Variants in QTMAN observed in about 807,000 individuals in gnomAD.
QTMAN encodes tRNA-queuosine alpha-mannosyltransferase.
At chr2:144,281,395 CAAA>C in the QTMAN span, among the ~76,000 whole-genome samples, 34 of 60,578 alleles carry the variant, frequency 5.6e-4, no homozygotes, top group African/African-American at 1.3e-3. Context: ...ATTGTTATAG[CAAA>C]AAAAAAAAAA....
At chr2:144,209,549 C>T in the QTMAN span, among the ~76,000 whole-genome samples, 8 of 152,128 alleles carry the variant, frequency 5.3e-5, no homozygotes, top group Admixed American at 5.2e-4. Flanking sequence ...TTTCTTTAGA[C>T]AAGCAACCTA....
At chr2:143,960,419 A>T in the QTMAN span, among the ~76,000 whole-genome samples, 1 of 152,110 alleles carries the variant, frequency 6.6e-6, no homozygotes, top group Non-Finnish European at 1.5e-5. Flanking sequence ...AATCTAGGCT[A>T]CAGTCCAGGA....
chr2:144,102,850 C>A, the QTMAN span, among the ~76,000 whole-genome samples: 7 of 152,198 alleles, frequency 4.6e-5, no homozygotes, highest in Admixed American at 2.6e-4. Context: ...ATAAAATTTA[C>A]CCGAAATACA....
the QTMAN span, among the ~76,000 whole-genome samples, chr2:144,148,049 A>G: frequency 6.6e-6 from 1 of 151,866 alleles, no homozygotes; most frequent in African/African-American, 2.4e-5. Flanking sequence ...CTGGAAGGGA[A>G]AAGAACACCT....
chr2:144,009,547 A>G, the QTMAN span, among the ~76,000 whole-genome samples: 2 of 152,020 alleles, frequency 1.3e-5, no homozygotes, highest in Non-Finnish European at 2.9e-5. Context: ...TTTCTATTCT[A>G]ATTTCAAATG....
At chr2:144,294,348 A>T in the QTMAN span, 1 of 152,266 alleles carries the variant, frequency 6.6e-6, no homozygotes, top group Middle Eastern at 3.4e-3. Context: ...TCACTTCCTA[A>T]GGGAAGCCTT....
At chr2:144,330,729 TCAAA>T in the QTMAN span, among the ~76,000 whole-genome samples, 2 of 152,314 alleles carry the variant, frequency 1.3e-5, no homozygotes, top group East Asian at 3.9e-4. Context: ...AGTACCATAA[TCAAA>T]CAAACTTTAG....
the QTMAN span, among the ~76,000 whole-genome samples, chr2:144,286,846 A>C: frequency 1.1e-4 from 16 of 152,242 alleles, no homozygotes; most frequent in Admixed American, 3.9e-4. Flanking sequence ...CCACTGGTTT[A>C]GGCCAGTGTA....
the QTMAN span, among the ~76,000 whole-genome samples, chr2:143,982,063 A>G: frequency 6.6e-6 from 1 of 152,176 alleles, no homozygotes; most frequent in Non-Finnish European, 1.5e-5. Context: ...ACTTACATGG[A>G]AAAGAATAAG....
chr2:143,964,650 A>G, the QTMAN span, among the ~76,000 whole-genome samples: 1 of 152,102 alleles, frequency 6.6e-6, no homozygotes, highest in Non-Finnish European at 1.5e-5. Flanking sequence ...TGAGTGAAGG[A>G]GAAGATGGAA....
the QTMAN span, among the ~76,000 whole-genome samples, chr2:144,277,910 G>A: frequency 1.3e-5 from 2 of 152,072 alleles, no homozygotes; most frequent in Admixed American, 1.3e-4. Context: ...GTATACTTTT[G>A]CTAGACCTCC....
the QTMAN span, among the ~76,000 whole-genome samples, chr2:144,289,083 G>A: frequency 2.7e-5 from 4 of 146,546 alleles, no homozygotes; most frequent in African/African-American, 1.0e-4. Flanking sequence ...GCCCAGTCTG[G>A]AGCGCAGTGG....
At chr2:144,060,709 T>C in the QTMAN span, among the ~76,000 whole-genome samples, 1 of 152,240 alleles carries the variant, frequency 6.6e-6, no homozygotes, top group Non-Finnish European at 1.5e-5. Context: ...CATTCTCAAA[T>C]GCATATATCT....
At chr2:144,120,914 A>G in the QTMAN span, among the ~76,000 whole-genome samples, 4 of 152,220 alleles carry the variant, frequency 2.6e-5, no homozygotes, top group African/African-American at 9.6e-5. Context: ...ATTTTCTGAT[A>G]CTACCTTGCC....
the QTMAN span, among the ~76,000 whole-genome samples, chr2:143,964,397 G>A: frequency 6.6e-6 from 1 of 152,096 alleles, no homozygotes; most frequent in Non-Finnish European, 1.5e-5. Context: ...TCATCTCAAT[G>A]TATTTATCTT....
At chr2:144,071,741 T>A in the QTMAN span, among the ~76,000 whole-genome samples, 2 of 152,202 alleles carry the variant, frequency 1.3e-5, no homozygotes, top group Non-Finnish European at 2.9e-5. Flanking sequence ...TCAAATTCTA[T>A]ACTCTGTCCT....
At chr2:144,027,816 G>T in the QTMAN span, among the ~76,000 whole-genome samples, 1 of 152,260 alleles carries the variant, frequency 6.6e-6, no homozygotes, top group African/African-American at 2.4e-5. Flanking sequence ...TTAAGATAGG[G>T]CTTTAAAGTT....
the QTMAN span, among the ~76,000 whole-genome samples, chr2:144,321,381 CA>C: frequency 6.6e-6 from 1 of 152,140 alleles, no homozygotes; most frequent in African/African-American, 2.4e-5. Flanking sequence ...TTCTAGAAGT[CA>C]AAAGTATAAT....
chr2:143,983,169 C>A, the QTMAN span, among the ~76,000 whole-genome samples: 1 of 152,150 alleles, frequency 6.6e-6, no homozygotes, highest in Non-Finnish European at 1.5e-5. Context: ...CCAAATCAGT[C>A]TGAGACTTAA....
Sources: gnomAD v4.1 joint callset for allele counts (sites outside exome capture counted in the v4.1 genomes callset) on GRCh38, gnomAD v4.1.1 for gene constraint, MANE v1.5 for transcripts, NCBI Gene and HGNC (gene_info 2026-07-23, HGNC 2026-07-21) for gene names.